Variants in C1QTNF3 observed in about 807,000 individuals in gnomAD.
C1QTNF3 encodes C1q and TNF related 3.
C1QTNF3 carries 26 observed loss-of-function variants against 32.6 expected under a neutral mutation model. The observed-to-expected ratio is 0.80, with a 90% CI of 0.58 to 1.11. The LOEUF is 1.11. Ranked by LOEUF, C1QTNF3 falls within the 50% of genes least tolerant of loss-of-function variation. The probability of loss-of-function intolerance (pLI) is 0.00; values close to 1 mark genes in which losing one functional copy is unlikely to be tolerated. For synonymous variants in C1QTNF3, 155 were observed against 146.0 expected (o/e 1.06, Z -0.44); for missense variants, 362 against 398.2 (o/e 0.91, Z 0.77).
chr5:34,189,861 A>C, the C1QTNF3 span, among the ~76,000 whole-genome samples: 26 of 151,532 alleles, frequency 1.7e-4, no homozygotes, highest in Non-Finnish European at 2.5e-4. Context: ...ACACCCGGAC[A>C]CTCGACATCA....
the C1QTNF3 span, among the ~76,000 whole-genome samples, chr5:34,110,913 T>TA: frequency 4.6e-4 from 68 of 148,440 alleles, no homozygotes; most frequent in Middle Eastern, 3.4e-3. Flanking sequence ...ATTTCTTTAG[T>TA]AAAAAAAAAA....
At chr5:34,045,118 C>A (rs1030663993), upstream of C1QTNF3, among the ~76,000 whole-genome samples, 1 of 152,194 alleles carries the variant, frequency 6.6e-6, no homozygotes. Flanking sequence ...GCTCTGAAAT[C>A]TAGGTCACCC....
At chr5:34,063,710 T>A in the C1QTNF3 span, among the ~76,000 whole-genome samples, 78 of 152,204 alleles carry the variant, frequency 5.1e-4, no homozygotes, top group Middle Eastern at 0.02. Context: ...ACCCCCTGGG[T>A]TCATAGTCTA....
the C1QTNF3 span, among the ~76,000 whole-genome samples, chr5:34,118,781 T>G: frequency 2.0e-5 from 3 of 152,300 alleles, no homozygotes; most frequent in African/African-American, 7.2e-5. Context: ...TTCATCCTAT[T>G]GTACTGTGTT....
the C1QTNF3 span, among the ~76,000 whole-genome samples, chr5:34,130,007 G>C: frequency 1.1e-3 from 171 of 151,826 alleles, 3 homozygotes; most frequent in African/African-American, 3.8e-3. Context: ...CTTATCTATT[G>C]ATTTCTATGG....
At chr5:34,054,018 G>C in the C1QTNF3 span, among the ~76,000 whole-genome samples, 3 of 152,162 alleles carry the variant, frequency 2.0e-5, no homozygotes, top group African/African-American at 7.2e-5. Context: ...CAGAGAAACA[G>C]GCCGAGTATG....
At chr5:34,135,411 T>C in the C1QTNF3 span, among the ~76,000 whole-genome samples, 15 of 152,114 alleles carry the variant, frequency 9.9e-5, no homozygotes, top group Non-Finnish European at 1.5e-4. Context: ...CAGGCTTTGG[T>C]ATCAGGATGA....
At chr5:34,142,624 C>G in the C1QTNF3 span, among the ~76,000 whole-genome samples, 1 of 152,224 alleles carries the variant, frequency 6.6e-6, no homozygotes, top group Non-Finnish European at 1.5e-5. Flanking sequence ...ACTGTCATTA[C>G]TCTTACGTGT....
the C1QTNF3 span, among the ~76,000 whole-genome samples, chr5:34,194,682 C>T: frequency 2.8e-3 from 430 of 151,834 alleles, no homozygotes; most frequent in Non-Finnish European, 4.8e-3. Flanking sequence ...TCAGTCTTCC[C>T]CCATTAGAAT....
intron 1 of C1QTNF3, among the ~76,000 whole-genome samples, chr5:34,040,766 C>T (rs1210336826): frequency 6.6e-6 from 1 of 151,670 alleles, no homozygotes; most frequent in Non-Finnish European, 1.5e-5. Context: ...AACCCAGGAG[C>T]TTCAGCCACA....
chr5:34,146,737 C>A, the C1QTNF3 span, among the ~76,000 whole-genome samples: 1 of 152,232 alleles, frequency 6.6e-6, no homozygotes, highest in Non-Finnish European at 1.5e-5. Context: ...AAATACCCTT[C>A]TTGACAGTGG....
the C1QTNF3 span, among the ~76,000 whole-genome samples, chr5:34,173,059 T>A: frequency 2.0e-5 from 3 of 152,208 alleles, no homozygotes; most frequent in African/African-American, 7.2e-5. Flanking sequence ...ACTTTTGCAC[T>A]ATGAAAATAT....
chr5:34,159,417 G>A, the C1QTNF3 span, among the ~76,000 whole-genome samples: 2 of 151,768 alleles, frequency 1.3e-5, no homozygotes, highest in African/African-American at 2.4e-5. Flanking sequence ...TTAAAATAAC[G>A]TGACAAAATC....
chr5:34,160,149 G>A, the C1QTNF3 span, among the ~76,000 whole-genome samples: 7 of 152,142 alleles, frequency 4.6e-5, no homozygotes, highest in Non-Finnish European at 7.4e-5. Context: ...ATGGATGAGA[G>A]AAAAACATAA....
the C1QTNF3 span, among the ~76,000 whole-genome samples, chr5:34,212,925 A>T: frequency 1.3e-5 from 2 of 151,898 alleles, no homozygotes; most frequent in Non-Finnish European, 1.5e-5. Flanking sequence ...AAAGGATTAT[A>T]AATCATGCTG....
At chr5:34,060,344 C>T in the C1QTNF3 span, among the ~76,000 whole-genome samples, 2 of 152,088 alleles carry the variant, frequency 1.3e-5, no homozygotes, top group South Asian at 2.1e-4. Flanking sequence ...ATACTATAGC[C>T]TATTGCTTCT....
chr5:34,056,980 AG>A, the C1QTNF3 span, among the ~76,000 whole-genome samples: 1 of 152,222 alleles, frequency 6.6e-6, no homozygotes. Flanking sequence ...ATGTGAGCAG[AG>A]GTCACCTGAC....
At chr5:34,166,816 A>C in the C1QTNF3 span, 1 of 151,602 alleles carries the variant, frequency 6.6e-6, no homozygotes, top group Non-Finnish European at 1.5e-5. Flanking sequence ...AGTGAGAGTT[A>C]TGATCGGTTA....
chr5:34,089,787 G>A, the C1QTNF3 span, among the ~76,000 whole-genome samples: 1 of 152,126 alleles, frequency 6.6e-6, no homozygotes, highest in Non-Finnish European at 1.5e-5. Context: ...ATTATGGCTG[G>A]GAACTTCTGT....
Sources: gnomAD v4.1 joint callset for allele counts (sites outside exome capture counted in the v4.1 genomes callset) on GRCh38, gnomAD v4.1.1 for gene constraint, MANE v1.5 for transcripts, NCBI Gene and HGNC (gene_info 2026-07-23, HGNC 2026-07-21) for gene names.